STK32B: variants seen among roughly 807,000 people sequenced by gnomAD.
The protein encoded by STK32B is serine/threonine kinase 32B.
In STK32B, 43 loss-of-function variants were observed where a neutral mutation model predicts 52.6. The observed-to-expected ratio is 0.82, with a 90% confidence interval of 0.64 to 1.05. STK32B has a LOEUF of 1.05. Ranked by LOEUF, STK32B falls within the 50% of genes least tolerant of loss-of-function variation. The pLI is 0.00. For synonymous variants in STK32B, 238 were observed against 204.3 expected, an observed-to-expected ratio of 1.17 and a Z score of -1.41; for missense variants, 621 against 534.6, an observed-to-expected ratio of 1.16 and a Z score of -1.59.
rs1577557297 is a variant in STK32B at position 5,469,322 on chromosome 4, A to G, written c.1106+1252A>G. ...CTAACAGCGCAGGAAACACGTGCTA[A>G]GGCCAAGGGCCACCCAGGGCAGTGC... On this transcript the variant is annotated intron_variant, in intron 11 of 11. Transcript: ENST00000282908. This position sits in a 1 kb window ranked among gnomAD's most constrained non-coding sequence, Gnocchi z 4.7. 6.6e-6 allele frequency among the ~76,000 whole-genome samples: 1 copy of G among 152,246 alleles called. No individual in the cohort carries two copies. The highest frequency in any genetic ancestry group is 1.9e-4 in the East Asian group (1 of 5,192).
intron 3 of STK32B, among the ~76,000 whole-genome samples, chr4:5,263,664 A>T (rs1362309149): frequency 6.6e-6 from 1 of 152,188 alleles, no homozygotes; most frequent in Non-Finnish European, 1.5e-5. Flanking sequence ...ACATATTATG[A>T]TACGCAGACA....
At chr4:5,124,178 C>T (rs1046716182) in intron 1 of STK32B, among the ~76,000 whole-genome samples, 3 of 152,100 alleles carry the variant, frequency 2.0e-5, no homozygotes, top group African/African-American at 7.2e-5. Flanking sequence ...TGAGTTCACT[C>T]CCTCAAATTA....
chr4:5,481,393 G>A (rs1322389077), intron 11 of STK32B, among the ~76,000 whole-genome samples: 1 of 152,148 alleles, frequency 6.6e-6, no homozygotes, highest in Non-Finnish European at 1.5e-5. Flanking sequence ...TTTGAGAAGT[G>A]TCTGTTCATA....
the STK32B span, among the ~76,000 whole-genome samples, chr4:5,034,934 C>A: frequency 6.6e-6 from 1 of 152,206 alleles, no homozygotes; most frequent in Non-Finnish European, 1.5e-5. Flanking sequence ...CACTGGCCAT[C>A]AACGACTTCC....
upstream of STK32B, among the ~76,000 whole-genome samples, chr4:5,049,433 C>T (rs909089920): frequency 3.3e-5 from 5 of 152,036 alleles, no homozygotes; most frequent in East Asian, 1.9e-4. Flanking sequence ...TCAGTGCAGG[C>T]GGGCTGAGTC....
chr4:5,141,592 G>A (rs769153891), intron 2 of STK32B, among the ~76,000 whole-genome samples: 12 of 152,228 alleles, frequency 7.9e-5, no homozygotes, highest in Non-Finnish European at 1.6e-4. Context: ...TGGCTACCAT[G>A]TGGAGAATAG....
chr4:5,090,111 A>C (rs977266336), intron 1 of STK32B, among the ~76,000 whole-genome samples: 2 of 151,776 alleles, frequency 1.3e-5, no homozygotes, highest in Admixed American at 6.6e-5. Flanking sequence ...TGGGTATTAG[A>C]CCTTTGTCAG....
chr4:5,355,797 C>G (rs1054410120), intron 4 of STK32B, among the ~76,000 whole-genome samples: 1 of 152,190 alleles, frequency 6.6e-6, no homozygotes, highest in Admixed American at 6.5e-5. Context: ...GAATCCTTCC[C>G]TGAACCACAG....
At chr4:5,281,097 A>G (rs954190814) in intron 3 of STK32B, among the ~76,000 whole-genome samples, 7 of 152,002 alleles carry the variant, frequency 4.6e-5, no homozygotes, top group Non-Finnish European at 1.0e-4. Flanking sequence ...ACAGAGCAGG[A>G]GAGAGAGAGG....
rs1720593977 is a variant in STK32B at position 5,499,827 on chromosome 4, T to C, written c.*744T>C. The C allele has an allele frequency of 6.6e-6, 1 of 152,246 alleles. No individual in the cohort carries two copies. Among genetic ancestry groups the C allele is most frequent in the African/African-American group, 2.4e-5 (1 of 41,428 alleles). The allele number at this position is 152,246 out of a possible 1,614,324, so 9.4% of individuals were successfully genotyped here. A position where few individuals can be genotyped will look rare whatever the true frequency, so the allele number is the denominator to read the frequency against. On this transcript the variant is annotated 3_prime_UTR_variant, in exon 12 of 12. Transcript: ENST00000282908. ...ACACAGGTGTCCATTCAGATGAGAGTTGGGTCGCTGAGCATTGGTTACTCC... is the reference window on the plus strand; with the variant it reads ...ACACAGGTGTCCATTCAGATGAGAGCTGGGTCGCTGAGCATTGGTTACTCC...
the STK32B span, among the ~76,000 whole-genome samples, chr4:5,033,588 C>T: frequency 6.6e-6 from 1 of 152,202 alleles, no homozygotes; most frequent in Non-Finnish European, 1.5e-5. Flanking sequence ...TTGAATGGTT[C>T]CTTTTTCTCC....
At chr4:5,410,143 C>T (rs1360490943) in intron 5 of STK32B, among the ~76,000 whole-genome samples, 4 of 152,134 alleles carry the variant, frequency 2.6e-5, no homozygotes, top group African/African-American at 9.7e-5. Context: ...AATCAGCGCC[C>T]ACGGCTCCAA....
intron 4 of STK32B, among the ~76,000 whole-genome samples, chr4:5,385,556 C>T (rs147632351): frequency 2.6e-5 from 4 of 151,906 alleles, no homozygotes; most frequent in Non-Finnish European, 5.9e-5. Flanking sequence ...AGGCATGCTC[C>T]GGCAAGATTA....
At chr4:5,192,038 T>C (rs1387545817) in intron 3 of STK32B, among the ~76,000 whole-genome samples, 1 of 152,118 alleles carries the variant, frequency 6.6e-6, no homozygotes, top group Non-Finnish European at 1.5e-5. Context: ...TGTAGAGACA[T>C]AGAAAACAGC....
chr4:5,112,778 A>G (rs1001980121), intron 1 of STK32B, among the ~76,000 whole-genome samples: 1 of 152,202 alleles, frequency 6.6e-6, no homozygotes, highest in African/African-American at 2.4e-5. Flanking sequence ...AATGAACCAC[A>G]GTGGTTTCAC....
At chr4:5,255,050 A>G (rs1726204176) in intron 3 of STK32B, among the ~76,000 whole-genome samples, 1 of 151,860 alleles carries the variant, frequency 6.6e-6, no homozygotes, top group Non-Finnish European at 1.5e-5. Flanking sequence ...AAAATCAGAC[A>G]TCACCCCAGA....
At chr4:5,197,447 C>A (rs1390955112) in intron 3 of STK32B, among the ~76,000 whole-genome samples, 2 of 152,210 alleles carry the variant, frequency 1.3e-5, no homozygotes, top group Non-Finnish European at 2.9e-5. Context: ...TACGACCACC[C>A]AGTCCTTCAG....
intron 7 of STK32B, chr4:5,447,205 G>A (rs568870002): frequency 6.4e-6 from 1 of 156,230 alleles, no homozygotes; most frequent in South Asian, 2.0e-4. Flanking sequence ...ATCTAACTCA[G>A]TGTCCTATAA....
chr4:5,105,720 C>T (rs906037955), intron 1 of STK32B, among the ~76,000 whole-genome samples: 10 of 151,824 alleles, frequency 6.6e-5, no homozygotes, highest in African/African-American at 2.2e-4. Context: ...CCCGCCACCA[C>T]GCCTGGCTAA....
Sources: allele counts gnomAD v4.1 joint callset (sites outside exome capture counted in the v4.1 genomes callset), GRCh38; gene constraint gnomAD v4.1.1; non-coding constraint Gnocchi (gnomAD v3.1); transcripts MANE v1.5; gene names NCBI Gene and HGNC (gene_info 2026-07-23, HGNC 2026-07-21).